Variants in SYNDIG1L observed in about 807,000 individuals in gnomAD.
SYNDIG1L encodes synapse differentiation inducing 1 like, also known as synapse differentiation-inducing gene protein 1-like.
A neutral mutation model predicts 20.1 loss-of-function variants in SYNDIG1L; 13 were observed. The observed-to-expected ratio is 0.65, with a 90% CI of 0.42 to 1.03. The LOEUF (loss-of-function observed/expected upper bound fraction) is 1.03, where lower values mean the gene tolerates loss of function less well. Among genes scored for constraint, SYNDIG1L ranks in the 50% least tolerant of loss-of-function variants. The pLI, the probability that SYNDIG1L is intolerant of heterozygous loss-of-function variation, is 0.00. For synonymous variants in SYNDIG1L, 128 were observed against 129.3 expected (o/e 0.99, Z 0.07); for missense variants, 294 against 305.1 (o/e 0.96, Z 0.27).
the SYNDIG1L span, among the ~76,000 whole-genome samples, chr14:74,435,989 C>T: frequency 8.3e-4 from 127 of 152,232 alleles, no homozygotes; most frequent in African/African-American, 2.8e-3. Context: ...TAGTGTGAGG[C>T]CTCAAACCCA....
the SYNDIG1L span, among the ~76,000 whole-genome samples, chr14:74,467,532 A>C: frequency 6.6e-6 from 1 of 152,222 alleles, no homozygotes; most frequent in South Asian, 2.1e-4. Flanking sequence ...TGGCCAAATG[A>C]AATTGCCTTT....
In SYNDIG1L at chr14:74,426,125, C is replaced by T. The variant is rs2086263610; in HGVS notation, c.-271G>A. ...GCCGCCCGCCCCGCCCCGCGCGGTC[C>T]CGGGAGCCCCGCATCCTGGCCGGGC... On this transcript the variant is annotated 5_prime_UTR_variant, in exon 1 of 4. Coordinates refer to ENST00000331628, the MANE Select transcript of SYNDIG1L (RefSeq NM_001105579.2). The T allele has an allele frequency of 6.7e-6, 1 of 148,182 alleles. No homozygotes were observed. The highest frequency in any genetic ancestry group is 1.5e-5 in the Non-Finnish European group (1 of 66,340). The allele number at this position is 148,182 out of a possible 1,614,324, so 9.2% of individuals were successfully genotyped here. A position where few individuals can be genotyped will look rare whatever the true frequency, so the allele number is the denominator to read the frequency against.
upstream of SYNDIG1L, among the ~76,000 whole-genome samples, chr14:74,428,255 G>C (rs548847236): frequency 6.6e-6 from 1 of 152,354 alleles, no homozygotes; most frequent in East Asian, 1.9e-4. Flanking sequence ...GCTTGTGACA[G>C]AGAACAGTGG....
the SYNDIG1L span, among the ~76,000 whole-genome samples, chr14:74,460,421 C>T: frequency 6.6e-6 from 1 of 152,210 alleles, no homozygotes; most frequent in African/African-American, 2.4e-5. Context: ...TCCACAGCCA[C>T]CTCCTGAACC....
chr14:74,471,181 T>A, the SYNDIG1L span, among the ~76,000 whole-genome samples: 3 of 152,176 alleles, frequency 2.0e-5, no homozygotes, highest in South Asian at 6.2e-4. Context: ...CACGATTCCA[T>A]CCTGGAGTAG....
the SYNDIG1L span, among the ~76,000 whole-genome samples, chr14:74,460,963 C>G: frequency 6.6e-6 from 1 of 151,418 alleles, no homozygotes; most frequent in African/African-American, 2.4e-5. Context: ...TTTAATCGCT[C>G]TTATACGAAC....
chr14:74,422,349 G>A (rs1244789532), intron 1 of SYNDIG1L, among the ~76,000 whole-genome samples: 1 of 152,094 alleles, frequency 6.6e-6, no homozygotes, highest in East Asian at 1.9e-4. Flanking sequence ...TGCAGCAGAG[G>A]GGACCTTGCC....
the SYNDIG1L span, among the ~76,000 whole-genome samples, chr14:74,466,212 A>T: frequency 6.6e-6 from 1 of 151,958 alleles, no homozygotes; most frequent in South Asian, 2.1e-4. Flanking sequence ...GGGTGGGAAA[A>T]ATTTGCAGCT....
Position 74,409,504 on chromosome 14 carries a change from C to G in SYNDIG1L, c.241G>C (p.Glu81Gln). Reference protein sequence around the residue: ...SCLLGRDKVKEPRAGSCETSF... With the variant: ...SCLLGRDKVKQPRAGSCETSF... ...GTCTCACAGCTGCCTGCCCTGGGCT[C>G]CTTGACCTTGTCTCTCCCCAGGAGG... is the stretch of plus-strand genomic sequence containing the variant. Residue 81 changes from glutamate (E) to glutamine (Q), a missense_variant, in exon 2 of 4, where the codon GAG (glutamate) becomes CAG (glutamine). Glu to Gln is a conservative substitution (Grantham distance 29). Coordinates refer to ENST00000331628, the MANE Select transcript of SYNDIG1L (RefSeq NM_001105579.2). 6.2e-7 allele frequency: 1 copy of G among 1,609,830 alleles called. No individual in the cohort carries two copies. The highest frequency in any genetic ancestry group is 8.5e-7 in the Non-Finnish European group (1 of 1,178,232).
the SYNDIG1L span, among the ~76,000 whole-genome samples, chr14:74,451,797 C>G: frequency 6.6e-6 from 1 of 151,982 alleles, no homozygotes; most frequent in East Asian, 1.9e-4. Context: ...CGAGACCAGC[C>G]TGGCCAACAT....
the SYNDIG1L span, among the ~76,000 whole-genome samples, chr14:74,449,190 G>A: frequency 5.9e-5 from 9 of 151,404 alleles, no homozygotes; most frequent in African/African-American, 1.5e-4. Context: ...TCAAGATCAC[G>A]CCACTGCAGT....
the SYNDIG1L span, among the ~76,000 whole-genome samples, chr14:74,478,478 T>TAG: frequency 6.6e-6 from 1 of 152,232 alleles, no homozygotes; most frequent in Admixed American, 6.5e-5. Context: ...CAATTCTCCC[T>TAG]GAAGTAGGCA....
At chr14:74,456,557 A>G in the SYNDIG1L span, among the ~76,000 whole-genome samples, 1 of 152,126 alleles carries the variant, frequency 6.6e-6, no homozygotes. Flanking sequence ...AAACCCATAA[A>G]ATAAAATAAA....
At chr14:74,450,587 G>A in the SYNDIG1L span, among the ~76,000 whole-genome samples, 2 of 152,058 alleles carry the variant, frequency 1.3e-5, no homozygotes, top group Non-Finnish European at 2.9e-5. Context: ...AAAATTATAA[G>A]ATCTTCTCAA....
chr14:74,466,114 G>C, the SYNDIG1L span, among the ~76,000 whole-genome samples: 5 of 152,190 alleles, frequency 3.3e-5, no homozygotes, highest in Non-Finnish European at 7.3e-5. Context: ...AGGTCTGTGC[G>C]CTGCTGACTT....
chr14:74,445,144 C>T, the SYNDIG1L span, among the ~76,000 whole-genome samples: 1 of 151,958 alleles, frequency 6.6e-6, no homozygotes, highest in Admixed American at 6.6e-5. Context: ...TTTTAAAGGG[C>T]CTGGCATCTC....
chr14:74,478,449 T>C, the SYNDIG1L span, among the ~76,000 whole-genome samples: 694 of 152,334 alleles, frequency 4.6e-3, 5 homozygotes, highest in African/African-American at 0.016. Flanking sequence ...ACACTCAAAC[T>C]AGTCAGCTGT....
chr14:74,477,114 T>TC, the SYNDIG1L span, among the ~76,000 whole-genome samples: 1 of 77,392 alleles, frequency 1.3e-5, no homozygotes, highest in African/African-American at 6.0e-5. Flanking sequence ...CCAGCCCCAT[T>TC]CCCAACACAC....
the SYNDIG1L span, chr14:74,479,967 A>G: frequency 3.0e-6 from 4 of 1,331,412 alleles, no homozygotes; most frequent in Non-Finnish European, 2.9e-6. Flanking sequence ...ACGAGTTTTT[A>G]TTTATTCAAG....
Sources: allele counts gnomAD v4.1 joint callset (sites outside exome capture counted in the v4.1 genomes callset), GRCh38; gene constraint gnomAD v4.1.1; transcripts MANE v1.5; gene names NCBI Gene and HGNC (gene_info 2026-07-23, HGNC 2026-07-21).